The following GALNT13 variants were observed in gnomAD, a reference collection of about 807,000 sequenced individuals.
GALNT13 encodes the protein UDP-GalNAc:polypeptide N-acetylgalactosaminyltransferase 13.
In GALNT13, 28 loss-of-function variants were observed where a neutral mutation model predicts 64.2. The observed-to-expected ratio is 0.44, with a 90% CI of 0.32 to 0.60. The LOEUF is 0.60. Ranked by LOEUF, GALNT13 falls within the 20% of genes least tolerant of loss-of-function variation. GALNT13 has a pLI of 0.05. For missense variants in GALNT13, 577 were observed against 669.8 expected, an observed-to-expected ratio of 0.86 and a Z score of 1.53; for synonymous variants, 214 against 224.6, an observed-to-expected ratio of 0.95 and a Z score of 0.42.
the GALNT13 span, among the ~76,000 whole-genome samples, chr2:153,635,400 A>ATATATATATATATATACACATATATATG: frequency 1.3e-4 from 2 of 15,054 alleles, no homozygotes; most frequent in Non-Finnish European, 2.2e-4. Flanking sequence ...GTAAATATGT[A>ATATATATATATATATACACATATATATG]TATATATATA....
intron 1 of GALNT13, among the ~76,000 whole-genome samples, chr2:153,873,725 C>T (rs1046877260): frequency 5.3e-5 from 8 of 152,162 alleles, no homozygotes; most frequent in Non-Finnish European, 1.0e-4. Flanking sequence ...GCTAAAGGCA[C>T]TTGGCTGCCA....
At chr2:153,923,997 A>G (rs986537415) in intron 2 of GALNT13, among the ~76,000 whole-genome samples, 1 of 152,070 alleles carries the variant, frequency 6.6e-6, no homozygotes, top group Non-Finnish European at 1.5e-5. Context: ...GCCACAATAA[A>G]CATACATGTG....
chr2:153,680,338 T>C, the GALNT13 span, among the ~76,000 whole-genome samples: 1 of 151,522 alleles, frequency 6.6e-6, no homozygotes, highest in Non-Finnish European at 1.5e-5. Flanking sequence ...TACTACCCTA[T>C]GGGAAATAAA....
chr2:153,353,897 G>C, the GALNT13 span, among the ~76,000 whole-genome samples: 4 of 152,018 alleles, frequency 2.6e-5, 1 homozygote, highest in African/African-American at 9.7e-5. Flanking sequence ...TTGATAGTAG[G>C]GTAATGCCTG....
chr2:153,485,307 A>T, the GALNT13 span, among the ~76,000 whole-genome samples: 1 of 152,150 alleles, frequency 6.6e-6, no homozygotes, highest in Non-Finnish European at 1.5e-5. Flanking sequence ...GGATATATGG[A>T]ATATTCTTAT....
chr2:154,218,797 T>G (rs1316670862), intron 4 of GALNT13, among the ~76,000 whole-genome samples: 1 of 152,140 alleles, frequency 6.6e-6, no homozygotes, highest in Admixed American at 6.6e-5. Context: ...ACATTTCTTA[T>G]CTATTATGCC....
At chr2:154,048,141 AAGAG>A (rs1233495911) in intron 3 of GALNT13, among the ~76,000 whole-genome samples, 2 of 152,156 alleles carry the variant, frequency 1.3e-5, no homozygotes, top group Non-Finnish European at 2.9e-5. Context: ...GAGCAGCAGG[AAGAG>A]AGAGATTGGA....
At chr2:153,763,366 C>T in the GALNT13 span, among the ~76,000 whole-genome samples, 2 of 152,216 alleles carry the variant, frequency 1.3e-5, no homozygotes, top group African/African-American at 2.4e-5. Flanking sequence ...CATATCTCAC[C>T]TTGAATTGTA....
chr2:153,207,351 A>G, the GALNT13 span, among the ~76,000 whole-genome samples: 1 of 152,082 alleles, frequency 6.6e-6, no homozygotes, highest in East Asian at 1.9e-4. Flanking sequence ...TTTAATATAT[A>G]TTTTCTTTTG....
the GALNT13 span, among the ~76,000 whole-genome samples, chr2:153,626,156 A>G: frequency 6.6e-6 from 1 of 152,156 alleles, no homozygotes; most frequent in South Asian, 2.1e-4. Flanking sequence ...ATTGGTTCCC[A>G]GATACAGACA....
intron 7 of GALNT13, among the ~76,000 whole-genome samples, chr2:154,258,601 A>G (rs541369474): frequency 6.6e-6 from 1 of 152,118 alleles, no homozygotes; most frequent in East Asian, 1.9e-4. Flanking sequence ...TCATAGTGAA[A>G]CCATGTCCAC....
chr2:153,736,845 C>A, the GALNT13 span, among the ~76,000 whole-genome samples: 1 of 152,170 alleles, frequency 6.6e-6, no homozygotes, highest in Non-Finnish European at 1.5e-5. Context: ...CTGTGACTGG[C>A]TGCCACCACC....
the GALNT13 span, among the ~76,000 whole-genome samples, chr2:153,467,393 A>T: frequency 6.6e-6 from 1 of 152,182 alleles, no homozygotes; most frequent in Admixed American, 6.5e-5. Context: ...GGTGGATCCA[A>T]GTTGTTAATG....
intron 11 of GALNT13, among the ~76,000 whole-genome samples, chr2:154,412,479 T>C (rs1308872986): frequency 6.6e-6 from 1 of 151,828 alleles, no homozygotes; most frequent in Non-Finnish European, 1.5e-5. Flanking sequence ...CTTCTCTCTC[T>C]TGCTTTTACA....
At chr2:153,257,341 C>T in the GALNT13 span, among the ~76,000 whole-genome samples, 15 of 152,128 alleles carry the variant, frequency 9.9e-5, no homozygotes, top group African/African-American at 1.9e-4. Context: ...CACTGACCTG[C>T]GCCCACTGTC....
chr2:153,443,245 C>G, the GALNT13 span, among the ~76,000 whole-genome samples: 10 of 152,128 alleles, frequency 6.6e-5, no homozygotes, highest in Admixed American at 5.9e-4. Flanking sequence ...GTATCTGGGC[C>G]GGATTACACA....
the GALNT13 span, among the ~76,000 whole-genome samples, chr2:153,556,054 G>A: frequency 6.6e-6 from 1 of 152,058 alleles, no homozygotes; most frequent in Non-Finnish European, 1.5e-5. Flanking sequence ...TGCAATTATA[G>A]CAAAATAACT....
chr2:154,154,498 A>T (rs2105639436), intron 4 of GALNT13, among the ~76,000 whole-genome samples: 1 of 152,346 alleles, frequency 6.6e-6, no homozygotes, highest in South Asian at 2.1e-4. Flanking sequence ...GATATTTAGG[A>T]AGCGTTATTC....
chr2:154,348,247 G>A lies in GALNT13; in HGVS notation c.1156+46658G>A, dbSNP rs193156514. Among the ~76,000 whole-genome samples, 222 of 152,170 alleles carry A rather than the reference G, an allele frequency of 1.5e-3. 1 individual carries two copies. Among genetic ancestry groups the A allele is most frequent in the Middle Eastern group, 6.8e-3 (2 of 294 alleles). On this transcript the variant is annotated intron_variant, in intron 9 of 12. Transcript: ENST00000392825. The stretch of plus-strand genomic sequence containing the variant: ...ATCCTGCCTCAAACTACTGTATACG[G>A]TGTCATACTTTAAATGACTTCCCAG...
Sources: gnomAD v4.1 joint callset for allele counts (sites outside exome capture counted in the v4.1 genomes callset) on GRCh38, gnomAD v4.1.1 for gene constraint, MANE v1.5 for transcripts, NCBI Gene and HGNC (gene_info 2026-07-23, HGNC 2026-07-21) for gene names.